DYNC2H1: variants seen among roughly 807,000 people sequenced by gnomAD.
DYNC2H1 encodes the protein cytoplasmic dynein 2 heavy chain 1.
A neutral mutation model predicts 570.0 loss-of-function variants in DYNC2H1; 410 were observed. That is an observed-to-expected ratio of 0.72 (90% CI 0.66 to 0.78). The LOEUF is 0.78. Ranked by LOEUF, DYNC2H1 falls within the 30% of genes least tolerant of loss-of-function variation. DYNC2H1 has a pLI of 0.00. For synonymous variants in DYNC2H1, 1,688 were observed against 1,677.6 expected, an observed-to-expected ratio of 1.01 and a Z score of -0.15; for missense variants, 4,865 against 5,046.4, an observed-to-expected ratio of 0.96 and a Z score of 1.09.
At chr11:103,339,909 ATTCTGTCCAGTGTTGTG>A (rs942596070) in intron 82 of DYNC2H1, among the ~76,000 whole-genome samples, 4 of 152,170 alleles carry the variant, frequency 2.6e-5, no homozygotes, top group Admixed American at 6.5e-5. Flanking sequence ...CACTGGCAGA[ATTCTGTCCAGTGTTGTG>A]TTCCACTGTG....
chr11:103,466,194 A>G (rs892327883), intron 87 of DYNC2H1, among the ~76,000 whole-genome samples: 1 of 152,192 alleles, frequency 6.6e-6, no homozygotes, highest in Admixed American at 6.5e-5. Flanking sequence ...GGGGCTTGGA[A>G]GGACTATTTG....
chr11:103,475,385 T>C (rs1481979), intron 88 of DYNC2H1, among the ~76,000 whole-genome samples: 61,452 of 152,020 alleles, frequency 0.4, 13,792 homozygotes, highest in Non-Finnish European at 0.52. Context: ...CAGTGTCTTA[T>C]GTTTTGCCTG....
In DYNC2H1 at chr11:103,358,303, GA is replaced by G; in HGVS notation, c.12103del (p.Ile4035SerfsTer16). On this transcript the variant is annotated frameshift_variant, in exon 83 of 89. Coordinates refer to ENST00000375735, the MANE Select transcript of DYNC2H1 (RefSeq NM_001377.3). LOFTEE classifies it high-confidence loss of function. ...SITAGSKFDR[E>X]IWSNELSPVL... ...AACAGCTGGTTCCAAATTTGATAGA[GA>G]AATCTGGTCTAATGAACTTTCTCCT... 6.3e-7 allele frequency: 1 copy of G among 1,592,732 alleles called. No homozygotes were observed. The highest frequency in any genetic ancestry group is 2.3e-5 in the East Asian group (1 of 44,326).
intron 30 of DYNC2H1, among the ~76,000 whole-genome samples, chr11:103,165,636 A>T (rs1006820630): frequency 6.6e-6 from 1 of 152,242 alleles, no homozygotes; most frequent in East Asian, 1.9e-4. Flanking sequence ...TACAATAAAC[A>T]TAGTGGGTTA....
chr11:103,418,900 T>C (rs181808782), intron 84 of DYNC2H1, among the ~76,000 whole-genome samples: 1 of 151,950 alleles, frequency 6.6e-6, no homozygotes, highest in Non-Finnish European at 1.5e-5. Flanking sequence ...CTGTGTGGAG[T>C]CTGCACAGCA....
chr11:103,303,236 G>A lies in DYNC2H1; in HGVS notation c.11239G>A (p.Gly3747Arg), dbSNP rs371942867. The change falls in exon 76 of 89, where the codon GGA becomes AGA. Residue 3747 changes from glycine to arginine, a missense_variant. Gly to Arg is a moderately radical substitution (Grantham distance 125, BLOSUM62 -2). Coordinates refer to ENST00000375735, the MANE Select transcript of DYNC2H1 (RefSeq NM_001377.3). ...AGAACTAGCTAATGCTGAAAGAAGC[G>A]GAGAGTGTTATCACCAGGTAAGTAC... ...LQELANAERSGECYHQVAMGQ... is the reference protein window; with the variant it reads ...LQELANAERSRECYHQVAMGQ... 4.8e-5 allele frequency: 77 copies of A among 1,612,102 alleles called. No homozygotes were observed. In the African/African-American group the frequency reaches 6.9e-4, roughly 15 times the overall value.
chr11:103,141,912 G>A (rs569098188), intron 17 of DYNC2H1, among the ~76,000 whole-genome samples: 2 of 152,310 alleles, frequency 1.3e-5, no homozygotes, highest in Admixed American at 1.3e-4. Context: ...CTGGGCAATG[G>A]CGGGTGCCCC....
In DYNC2H1 at chr11:103,228,824, A is replaced by G. The variant is rs1422909486; in HGVS notation, c.9354-2436A>G. On this transcript the variant is annotated intron_variant, in intron 59 of 88. Transcript: ENST00000375735. The surrounding 1 kb of genome is among the most constrained non-coding windows in gnomAD (Gnocchi z 6.1). ...GATATTATGACCTTTGTTTTTGGCT[A>G]CCAGGGTGGGTAGAGAAAGAACACC... Among the ~76,000 whole-genome samples, 1 of 152,226 alleles carries G rather than the reference A, an allele frequency of 6.6e-6. No individual in the cohort carries two copies. Among genetic ancestry groups the G allele is most frequent in the East Asian group, 1.9e-4 (1 of 5,182 alleles).
chr11:103,320,023 T>G (rs144609417), intron 80 of DYNC2H1, among the ~76,000 whole-genome samples: 8 of 152,342 alleles, frequency 5.3e-5, no homozygotes, highest in African/African-American at 1.9e-4. Flanking sequence ...CTCTAAATTT[T>G]ATAGTAATGA....
intron 75 of DYNC2H1, among the ~76,000 whole-genome samples, chr11:103,292,744 G>A (rs953165665): frequency 2.0e-5 from 3 of 152,124 alleles, no homozygotes; most frequent in African/African-American, 7.2e-5. Flanking sequence ...TCCTCCTTTT[G>A]CCATGTAACA....
rs778332363 is a variant in DYNC2H1, at chr11:103,133,695, A to C, written c.2094A>C (p.Thr698=). ...ENRKLRKWHT[T]FCEKVVVLMN... The stretch of plus-strand genomic sequence containing the variant: ...GAAAACTGAGAAAATGGCACACTAC[A>C]TTTTGTGAAAAGGTATATTTTGTTT... The change falls in exon 14 of 89, where the codon ACA becomes ACC. Residue 698 remains threonine (T), a synonymous_variant. Transcript: ENST00000375735. This position sits in a 1 kb window ranked among gnomAD's most constrained non-coding sequence, Gnocchi z 4.8. The C allele has an allele frequency of 6.2e-7, 1 of 1,603,604 alleles. No homozygotes were observed. Among genetic ancestry groups the C allele is most frequent in the East Asian group, 2.2e-5 (1 of 44,516 alleles).
At chr11:103,218,432 AT>A (rs913379927) in intron 55 of DYNC2H1, among the ~76,000 whole-genome samples, 4 of 152,082 alleles carry the variant, frequency 2.6e-5, no homozygotes, top group African/African-American at 9.7e-5. Flanking sequence ...ACTTTAACAT[AT>A]TTTTTTCTCA....
At chr11:103,323,482 A>G (rs1475424577) in intron 81 of DYNC2H1, among the ~76,000 whole-genome samples, 1 of 151,594 alleles carries the variant, frequency 6.6e-6, no homozygotes, top group Non-Finnish European at 1.5e-5. Flanking sequence ...ATATATATAT[A>G]TATATATAAC....
intron 84 of DYNC2H1, among the ~76,000 whole-genome samples, chr11:103,433,969 C>T (rs1943979936): frequency 6.6e-6 from 1 of 152,058 alleles, no homozygotes; most frequent in Non-Finnish European, 1.5e-5. Flanking sequence ...TTCTGAAATC[C>T]AAGGAAGTTC....
Position 103,122,927 on chromosome 11 carries a change from T to A in DYNC2H1, c.1588T>A (p.Tyr530Asn). 6.2e-7 allele frequency: 1 copy of A among 1,611,532 alleles called. No homozygotes were observed. The highest frequency in any genetic ancestry group is 2.2e-5 in the East Asian group (1 of 44,816). ...AKDLLDQLKL[Y>N]EQEQFDDWSR... The stretch of plus-strand genomic sequence containing the variant: ...AGATCTCTTAGACCAGCTTAAACTA[T>A]ATGAACAGGAACAATTTGATGATTG... The change falls in exon 11 of 89, where the codon TAT becomes AAT. Residue 530 changes from tyrosine to asparagine, a missense_variant. This residue lies in a region of DYNC2H1 where 1,936 missense variants were observed against 1,962.1 expected (regional missense o/e 0.99). Transcript: ENST00000375735.
chr11:103,240,236 T>G (rs564467051), intron 63 of DYNC2H1, among the ~76,000 whole-genome samples: 1 of 152,162 alleles, frequency 6.6e-6, no homozygotes, highest in Non-Finnish European at 1.5e-5. Context: ...ACCTTGTCCA[T>G]TGGTGACTCC....
chr11:103,147,645 A>G, intron 18 of DYNC2H1, 127 bp from the exon 19 acceptor site: 1 of 597,870 alleles, frequency 1.7e-6, no homozygotes, highest in South Asian at 2.5e-5. Flanking sequence ...ATGTGCTTAA[A>G]GATCACCATA....
chr11:103,248,942 C>T (rs1193880093), intron 65 of DYNC2H1, among the ~76,000 whole-genome samples: 1 of 151,942 alleles, frequency 6.6e-6, no homozygotes, highest in African/African-American at 2.4e-5. Context: ...AAACAATAGC[C>T]ATGTAAATTG....
chr11:103,462,199 G>A lies in DYNC2H1; in HGVS notation c.12648+5843G>A, dbSNP rs545438855. 2.0e-5 allele frequency among the ~76,000 whole-genome samples: 3 copies of A among 152,200 alleles called. No individual in the cohort carries two copies. In the East Asian group the frequency reaches 5.8e-4, roughly 29 times the overall value. On this transcript the variant is annotated intron_variant, in intron 87 of 88. Transcript: ENST00000375735. ...GGGGTCATTTCTCCTATAGAATGAT[G>A]TACATTCTGTATTCATCTGCTTGCT... is the stretch of plus-strand genomic sequence containing the variant.
Sources: gnomAD v4.1 joint callset for allele counts (sites outside exome capture counted in the v4.1 genomes callset) on GRCh38, gnomAD v4.1.1 for gene constraint, gnomAD v4.1.1 regional missense constraint, Gnocchi (gnomAD v3.1) non-coding constraint, MANE v1.5 for transcripts, NCBI Gene and HGNC (gene_info 2026-07-23, HGNC 2026-07-21) for gene names.